TMEM266: variants seen among roughly 807,000 people sequenced by gnomAD.
TMEM266 encodes the protein transmembrane protein 266.
A neutral mutation model predicts 50.5 loss-of-function variants in TMEM266; 33 were observed. The ratio of observed to expected loss-of-function variants is 0.65; its 90% CI spans 0.50 to 0.87. TMEM266 has a LOEUF of 0.87. Ranked by LOEUF, TMEM266 falls within the 40% of genes least tolerant of loss-of-function variation. The probability of loss-of-function intolerance (pLI) is 0.00; values close to 1 mark genes in which losing one functional copy is unlikely to be tolerated. For missense variants in TMEM266, 655 were observed against 695.1 expected, an observed-to-expected ratio of 0.94 and a Z score of 0.65; for synonymous variants, 310 against 292.3, an observed-to-expected ratio of 1.06 and a Z score of -0.62.
intron 1 of TMEM266, among the ~76,000 whole-genome samples, chr15:76,061,155 T>C (rs1421041416): frequency 6.6e-6 from 1 of 152,130 alleles, no homozygotes; most frequent in African/African-American, 2.4e-5. Flanking sequence ...TAGTAAGAGC[T>C]AGAAGCAAAA....
At chr15:76,080,002 T>C (rs2036662846) in intron 1 of TMEM266, among the ~76,000 whole-genome samples, 1 of 151,918 alleles carries the variant, frequency 6.6e-6, no homozygotes. Context: ...TAAGATAGCA[T>C]AAAGATGCTT....
At position 76,153,275 on chromosome 15, in the gene TMEM266, C is replaced by T. The variant is rs897651403; in HGVS notation, c.228-3329C>T. On this transcript the variant is annotated intron_variant, in intron 3 of 10. Coordinates refer to ENST00000388942, the MANE Select transcript of TMEM266 (RefSeq NM_152335.3). The surrounding 1 kb of genome is among the most constrained non-coding windows in gnomAD (Gnocchi z 4.2). ...ACTAGTGCTCCTGAATACAATGCTT[C>T]GTTTCATTCCCTACTCCCTTCAGGA... 2.0e-5 allele frequency among the ~76,000 whole-genome samples: 3 copies of T among 152,292 alleles called. No homozygotes were observed. Among genetic ancestry groups the T allele is most frequent in the East Asian group, 1.9e-4 (1 of 5,186 alleles).
intron 7 of TMEM266, among the ~76,000 whole-genome samples, chr15:76,174,125 T>C (rs1401571971): frequency 6.6e-6 from 1 of 152,116 alleles, no homozygotes; most frequent in Non-Finnish European, 1.5e-5. Flanking sequence ...CCGTGCCAAC[T>C]ATCACATCCT....
intron 1 of TMEM266, among the ~76,000 whole-genome samples, chr15:76,125,373 T>C (rs2037405624): frequency 6.6e-6 from 1 of 152,070 alleles, no homozygotes; most frequent in African/African-American, 2.4e-5. Context: ...AAGTATGTTT[T>C]AGCAATATAT....
At chr15:76,111,513 T>TGCCTCA (rs2037170161) in intron 1 of TMEM266, among the ~76,000 whole-genome samples, 1 of 152,082 alleles carries the variant, frequency 6.6e-6, no homozygotes, top group Non-Finnish European at 1.5e-5. Context: ...GCGATTCTCC[T>TGCCTCA]GCCTCAGCCT....
At chr15:76,176,860 A>G (rs985877323) in intron 8 of TMEM266, among the ~76,000 whole-genome samples, 4 of 152,192 alleles carry the variant, frequency 2.6e-5, no homozygotes, top group African/African-American at 9.7e-5. Flanking sequence ...TGTGGCGTAC[A>G]GGCCTGCTAT....
intron 8 of TMEM266, among the ~76,000 whole-genome samples, chr15:76,177,205 G>A (rs901581015): frequency 6.6e-6 from 1 of 152,200 alleles, no homozygotes; most frequent in Non-Finnish European, 1.5e-5. Flanking sequence ...AGCTCTTCCC[G>A]CTGAAATAGA....
chr15:76,113,034 G>A (rs899488510), intron 1 of TMEM266: 2 of 152,306 alleles, frequency 1.3e-5, no homozygotes, highest in Admixed American at 6.5e-5. Flanking sequence ...ATATGTTCTG[G>A]GCCAGGCGCG....
At chr15:76,177,655 A>G (rs2038309926) in intron 8 of TMEM266, among the ~76,000 whole-genome samples, 1 of 152,272 alleles carries the variant, frequency 6.6e-6, no homozygotes, top group African/African-American at 2.4e-5. Context: ...AGAGCAGGGC[A>G]GGCTATGGAA....
intron 1 of TMEM266, among the ~76,000 whole-genome samples, chr15:76,062,597 G>A (rs2036326092): frequency 6.6e-6 from 1 of 152,206 alleles, no homozygotes; most frequent in African/African-American, 2.4e-5. Context: ...GATTTCTGGG[G>A]AGGAAATGAG....
chr15:76,172,216 C>T (rs28520257), intron 7 of TMEM266, among the ~76,000 whole-genome samples: 2,481 of 152,290 alleles, frequency 0.016, 50 homozygotes, highest in African/African-American at 0.057. Flanking sequence ...TCAGCAAAAT[C>T]GTACCCAGTC....
Position 76,160,312 on chromosome 15 carries a change from A to G in TMEM266, c.456+144A>G, listed in dbSNP as rs74887325. 5.0e-4 allele frequency: 432 copies of G among 866,148 alleles called. 1 individual carries two copies. The East Asian group carries it at 9.0e-3, about 18-fold the overall frequency. 53.7% of individuals were successfully genotyped at this position (866,148 alleles called of 1,614,324 possible). A position where few individuals can be genotyped will look rare whatever the true frequency, so the allele number is the denominator to read the frequency against. Reference sequence around the variant, plus strand: ...GCTGGGAGGGAGACACAATATAGATAGATGATCTCTGCGGGGGGAAGTGGT... The same window carrying G: ...GCTGGGAGGGAGACACAATATAGATGGATGATCTCTGCGGGGGGAAGTGGT... On this transcript the variant is annotated intron_variant, in intron 5 of 10. Coordinates refer to ENST00000388942, the MANE Select transcript of TMEM266 (RefSeq NM_152335.3). The surrounding 1 kb of genome is among the most constrained non-coding windows in gnomAD (Gnocchi z 5.7).
intron 1 of TMEM266, among the ~76,000 whole-genome samples, chr15:76,080,061 T>C (rs1407094315): frequency 6.6e-6 from 1 of 151,340 alleles, no homozygotes; most frequent in Non-Finnish European, 1.5e-5. Context: ...GACTTAACAG[T>C]GATGTTTCCT....
chr15:76,195,357 T>G (rs1342659188), intron 9 of TMEM266, among the ~76,000 whole-genome samples: 5 of 152,262 alleles, frequency 3.3e-5, no homozygotes, highest in Non-Finnish European at 5.9e-5. Flanking sequence ...TGACATCACT[T>G]GTTCTGGTGT....
chr15:76,191,172 G>T (rs997366346), intron 8 of TMEM266, among the ~76,000 whole-genome samples: 1 of 152,218 alleles, frequency 6.6e-6, no homozygotes, highest in Non-Finnish European at 1.5e-5. Context: ...CCACCCTATT[G>T]TTCATGAATG....
chr15:76,157,311 A>C (rs560593150), intron 4 of TMEM266, among the ~76,000 whole-genome samples: 1 of 152,314 alleles, frequency 6.6e-6, no homozygotes, highest in South Asian at 2.1e-4. Context: ...GGCGAGATGG[A>C]TATGATCCCA....
At chr15:76,115,736 C>T (rs1205452253) in intron 1 of TMEM266, among the ~76,000 whole-genome samples, 1 of 152,120 alleles carries the variant, frequency 6.6e-6, no homozygotes, top group African/African-American at 2.4e-5. Context: ...CTTAACTAGA[C>T]AGGGCGCTTT....
At chr15:76,082,324 G>A (rs551753956) in intron 1 of TMEM266, among the ~76,000 whole-genome samples, 1 of 152,302 alleles carries the variant, frequency 6.6e-6, no homozygotes, top group South Asian at 2.1e-4. Context: ...TCATGGTTCT[G>A]CATGACACTG....
At chr15:76,122,592 G>A (rs1248501648) in intron 1 of TMEM266, among the ~76,000 whole-genome samples, 9 of 152,242 alleles carry the variant, frequency 5.9e-5, no homozygotes, top group Admixed American at 5.9e-4. Flanking sequence ...TTTGCAAAGT[G>A]TTTGAAAGGT....
Sources: gnomAD v4.1 joint callset for allele counts (sites outside exome capture counted in the v4.1 genomes callset) on GRCh38, gnomAD v4.1.1 for gene constraint, Gnocchi (gnomAD v3.1) non-coding constraint, MANE v1.5 for transcripts, NCBI Gene and HGNC (gene_info 2026-07-23, HGNC 2026-07-21) for gene names.